The following MFN2 variants were observed in gnomAD, a reference collection of about 807,000 sequenced individuals.
The protein encoded by MFN2 is mitofusin-2.
A neutral mutation model predicts 87.5 loss-of-function variants in MFN2; 43 were observed. The observed-to-expected ratio is 0.49, with a 90% CI of 0.38 to 0.63. MFN2 has a LOEUF of 0.63. Ranked by LOEUF, MFN2 falls within the 30% of genes least tolerant of loss-of-function variation. The pLI is 0.00. For synonymous variants in MFN2, 337 were observed against 359.9 expected (o/e 0.94, Z 0.72); for missense variants, 743 against 972.8 (o/e 0.76, Z 3.14).
rs111700688 is a variant in MFN2, at chr1:12,004,972, C to T, written c.1495+45C>T. ...TGGGCAGCTGTGGCCCTGGGCTGCC[C>T]AAAGATCAGATGCGGAGGCCAAGCT... On this transcript the variant is annotated intron_variant, in intron 14 of 18. Transcript: ENST00000235329. This position sits in a 1 kb window ranked among gnomAD's most constrained non-coding sequence, Gnocchi z 4.2. 14 of 1,498,542 alleles carry T rather than the reference C, an allele frequency of 9.3e-6. No individual in the cohort carries two copies. In the East Asian group the frequency reaches 1.7e-4, roughly 18 times the overall value. The allele number at this position is 1,498,542 out of a possible 1,614,324, so 92.8% of individuals were successfully genotyped here. A position where few individuals can be genotyped will look rare whatever the true frequency, so the allele number is the denominator to read the frequency against.
Position 12,004,113 on chromosome 1 carries a change from A to G in MFN2, c.1282A>G (p.Arg428Gly). 6.2e-7 allele frequency: 1 copy of G among 1,614,054 alleles called. No individual in the cohort carries two copies. Among genetic ancestry groups the G allele is most frequent in the Non-Finnish European group, 8.5e-7 (1 of 1,180,038 alleles). Residue 428 changes from arginine (R) to glycine (G), a missense_variant, in exon 12 of 19, where the codon AGG (arginine) becomes GGG (glycine). Transcript: ENST00000235329. This position sits in a 1 kb window ranked among gnomAD's most constrained non-coding sequence, Gnocchi z 4.2. ...RIKQITEEVERQVSTAMAEEI... is the reference protein window; with the variant it reads ...RIKQITEEVEGQVSTAMAEEI... ...TAAGCAGATTACGGAGGAAGTGGAG[A>G]GGCAGGTGAGAAATGAGGAGGAGGC... is the stretch of plus-strand genomic sequence containing the variant.
In MFN2 at chr1:12,009,665, G is replaced by C; in HGVS notation, c.2143G>C (p.Ala715Pro). 1 of 1,614,224 alleles carries C rather than the reference G, an allele frequency of 6.2e-7. No homozygotes were observed. The highest frequency in any genetic ancestry group is 8.5e-7 in the Non-Finnish European group (1 of 1,180,052). The stretch of plus-strand genomic sequence containing the variant: ...CCGGGAGAACCTGGAGCAGGAAATT[G>C]CCGCCATGAACAAGAAAATTGAGGT... The part of the protein sequence containing the change: ...VTRENLEQEI[A>P]AMNKKIEVLD... Residue 715 changes from alanine (A) to proline (P), a missense_variant, in exon 18 of 19, where the codon GCC becomes CCC. By Grantham distance (27) the Ala-to-Pro change is conservative. This residue lies in a region of MFN2 where 571 missense variants were observed against 670.7 expected (regional missense o/e 0.85). Transcript: ENST00000235329.
chr1:12,006,915 G>T, intron 16 of MFN2, 138 bp from the exon 17 acceptor site: 1 of 1,307,656 alleles, frequency 7.6e-7, no homozygotes. Context: ...GATCAAAGGA[G>T]ACATTGAAAG....
In MFN2 at chr1:12,011,505, C is replaced by A. The variant is rs781669282; in HGVS notation, c.2214C>A (p.Ala738=). 6.2e-7 allele frequency: 1 copy of A among 1,614,144 alleles called. No individual in the cohort carries two copies. The highest frequency in any genetic ancestry group is 8.5e-7 in the Non-Finnish European group (1 of 1,180,034). Residue 738 remains alanine (A), a synonymous_variant, in exon 19 of 19, where the codon GCC becomes GCA. Transcript: ENST00000235329. ...AACCATTTCTTTGCAGGAATAAAGC[C>A]GGTTGGTTGGACAGTGAGCTCAACA... ...QSKAKLLRNK[A]GWLDSELNMF...
chr1:11,990,560 GGT>G (rs1422014934), intron 3 of MFN2, among the ~76,000 whole-genome samples: 1 of 152,212 alleles, frequency 6.6e-6, no homozygotes, highest in Non-Finnish European at 1.5e-5. Flanking sequence ...GCGTAATGCA[GGT>G]GTTTATGTGA....
intron 17 of MFN2, among the ~76,000 whole-genome samples, chr1:12,009,233 G>A (rs987029917): frequency 6.6e-5 from 10 of 151,382 alleles, no homozygotes; most frequent in Non-Finnish European, 1.0e-4. Context: ...GAGAGGGAGC[G>A]GGAGAGGGAG....
chr1:12,011,031 C>T (rs568919284), intron 18 of MFN2, among the ~76,000 whole-genome samples: 2 of 152,188 alleles, frequency 1.3e-5, no homozygotes, highest in African/African-American at 2.4e-5. Context: ...ATGTGCCCCC[C>T]CCGCACCCCC....
chr1:11,992,499 G>C, intron 3 of MFN2, 56 bp from the exon 4 acceptor site: 1 of 1,611,538 alleles, frequency 6.2e-7, no homozygotes, highest in Non-Finnish European at 8.5e-7. Flanking sequence ...TTCCAGACTT[G>C]GGACTGTGGA....
intron 11 of MFN2, 40 bp downstream of exon 11, chr1:12,002,143 GAGACA>G: frequency 6.2e-7 from 1 of 1,613,834 alleles, no homozygotes; most frequent in South Asian, 1.1e-5. Context: ...GAGAGCTGCC[GAGACA>G]AGGGTGCTCC....
chr1:12,009,580 TCTC>T lies in MFN2; in HGVS notation c.2070-7_2070-5del. The T allele has an allele frequency of 6.2e-7, 1 of 1,614,116 alleles. No individual in the cohort carries two copies. Among genetic ancestry groups the T allele is most frequent in the Non-Finnish European group, 8.5e-7 (1 of 1,179,996 alleles). On this transcript the variant is annotated splice_polypyrimidine_tract_variant and intron_variant, in intron 17 of 18. Transcript: ENST00000235329. The stretch of plus-strand genomic sequence containing the variant: ...ACACACCCCAACTGGGTCCCTTCTC[TCTC>T]CTCCCCAGGGAACTGTCTGGGACCT...
Position 12,011,675 on chromosome 1 carries a change from G to A in MFN2, c.*110G>A, listed in dbSNP as rs976349864. The A allele has an allele frequency of 3.5e-6, 4 of 1,135,746 alleles. No homozygotes were observed. Among genetic ancestry groups the A allele is most frequent in the Non-Finnish European group, 5.3e-6 (4 of 756,926 alleles). 70.4% of individuals were successfully genotyped at this position (1,135,746 alleles called of 1,614,324 possible). ...GCTCCTGCCCCCTGGCCACTGCCAAGAGAATGAAGCACCCAGTCTCGTACC... is the reference window on the plus strand; with the variant it reads ...GCTCCTGCCCCCTGGCCACTGCCAAAAGAATGAAGCACCCAGTCTCGTACC... On this transcript the variant is annotated 3_prime_UTR_variant, in exon 19 of 19. Coordinates refer to ENST00000235329, the MANE Select transcript of MFN2 (RefSeq NM_014874.4).
Position 12,004,704 on chromosome 1 carries a change from CAGT to C in MFN2, c.1392+94_1392+96del, listed in dbSNP as rs1184379037. 4 of 1,493,840 alleles carry C rather than the reference CAGT, an allele frequency of 2.7e-6. No homozygotes were observed. Among genetic ancestry groups the C allele is most frequent in the African/African-American group, 1.4e-5 (1 of 72,596 alleles). 92.5% of individuals were successfully genotyped at this position (1,493,840 alleles called of 1,614,324 possible). ...CTGGGTCAGGGCCCCCCAGCAGTGA[CAGT>C]AGAAGCCACAGAGACAAGGCCCAGG... is the stretch of plus-strand genomic sequence containing the variant. On this transcript the variant is annotated intron_variant, in intron 13 of 18. Coordinates refer to ENST00000235329, the MANE Select transcript of MFN2 (RefSeq NM_014874.4). The surrounding 1 kb of genome is among the most constrained non-coding windows in gnomAD (Gnocchi z 4.2).
At chr1:11,994,083 T>C (rs1638809788) in intron 4 of MFN2, among the ~76,000 whole-genome samples, 1 of 152,184 alleles carries the variant, frequency 6.6e-6, no homozygotes, top group Admixed American at 6.6e-5. Context: ...GTGATAACCA[T>C]GGGGTATCTG....
At chr1:12,000,267 A>G (rs1384186545) in intron 8 of MFN2, among the ~76,000 whole-genome samples, 1 of 151,858 alleles carries the variant, frequency 6.6e-6, no homozygotes, top group African/African-American at 2.4e-5. Flanking sequence ...ATCTCGGCTC[A>G]CTGCAACCTC....
intron 3 of MFN2, chr1:11,992,264 C>A (rs1389442190): frequency 2.2e-6 from 1 of 454,312 alleles, no homozygotes; most frequent in South Asian, 2.4e-5. Flanking sequence ...TAGTTATCTC[C>A]GTTTTGTGCT....
chr1:11,991,602 A>G lies in MFN2; in HGVS notation c.176-953A>G, dbSNP rs540973209. Among the ~76,000 whole-genome samples the G allele has an allele frequency of 8.5e-4, 129 of 152,296 alleles. 1 individual carries two copies. Among genetic ancestry groups the G allele is most frequent in the Admixed American group, 8.4e-3 (129 of 15,282 alleles). ...GTGAGGCAGCGGGTGGCAAGAGGCCAACAGGGCCAGGGCAGGGAGGGCCTC... is the reference window on the plus strand; with the variant it reads ...GTGAGGCAGCGGGTGGCAAGAGGCCGACAGGGCCAGGGCAGGGAGGGCCTC... On this transcript the variant is annotated intron_variant, in intron 3 of 18. Transcript: ENST00000235329.
chr1:12,000,014 G>A (rs558979455), intron 8 of MFN2, among the ~76,000 whole-genome samples: 8 of 151,628 alleles, frequency 5.3e-5, no homozygotes, highest in African/African-American at 1.7e-4. Context: ...GGAGAACGGC[G>A]TGAACCCGGG....
At chr1:11,987,352 G>A (rs894735279) in intron 2 of MFN2, among the ~76,000 whole-genome samples, 6 of 151,698 alleles carry the variant, frequency 4.0e-5, no homozygotes, top group Non-Finnish European at 7.4e-5. Context: ...ATGTTGGGCC[G>A]GGCGTGGTGG....
chr1:12,009,853 G>C (rs866042240), intron 18 of MFN2, 127 bp downstream of exon 18: 1 of 1,356,436 alleles, frequency 7.4e-7, no homozygotes, highest in South Asian at 1.2e-5. Context: ...TAGCTCATTC[G>C]TGTTAGATGT....
Sources: allele counts gnomAD v4.1 joint callset (sites outside exome capture counted in the v4.1 genomes callset), GRCh38; gene constraint gnomAD v4.1.1; regional missense constraint gnomAD v4.1.1; non-coding constraint Gnocchi (gnomAD v3.1); transcripts MANE v1.5; gene names NCBI Gene and HGNC (gene_info 2026-07-23, HGNC 2026-07-21).